The following JAZF1 variants were observed in gnomAD, a reference collection of about 807,000 sequenced individuals.
JAZF1 encodes the protein JAZF zinc finger 1, also known as juxtaposed with another zinc finger protein 1.
In JAZF1, 8 loss-of-function variants were observed where a neutral mutation model predicts 26.4. The ratio of observed to expected loss-of-function variants is 0.30; its 90% CI spans 0.18 to 0.55. The LOEUF is 0.55. Ranked by LOEUF, JAZF1 falls within the 20% of genes least tolerant of loss-of-function variation. The pLI is 0.94. For synonymous variants in JAZF1, 126 were observed against 122.3 expected, an observed-to-expected ratio of 1.03 and a Z score of -0.20; for missense variants, 199 against 322.0, an observed-to-expected ratio of 0.62 and a Z score of 2.92.
chr7:27,962,660 T>C (rs1785204853), intron 2 of JAZF1, among the ~76,000 whole-genome samples: 1 of 152,160 alleles, frequency 6.6e-6, no homozygotes, highest in Non-Finnish European at 1.5e-5. Flanking sequence ...CATAAATTAA[T>C]TACCTTTAAT....
chr7:27,893,367 T>G (rs923864514), intron 3 of JAZF1, among the ~76,000 whole-genome samples: 11 of 152,330 alleles, frequency 7.2e-5, no homozygotes, highest in Non-Finnish European at 1.6e-4. Context: ...ATGGTGTGGT[T>G]ACAAGTGGGT....
chr7:28,117,993 C>T lies in JAZF1; in HGVS notation c.115+62470G>A, dbSNP rs562370633. 1.7e-4 allele frequency: 26 copies of T among 151,754 alleles called. No individual in the cohort carries two copies. In the South Asian group the frequency reaches 4.2e-3, roughly 24 times the overall value. The allele number at this position is 151,754 out of a possible 1,614,324, so 9.4% of individuals were successfully genotyped here. On this transcript the variant is annotated intron_variant, in intron 1 of 4. Transcript: ENST00000283928. ...TATTTTATATGAACACCAGTACGTG[C>T]GGTATTAAAAAAAAATTACAACAAA... is the stretch of plus-strand genomic sequence containing the variant.
chr7:27,848,872 A>C (rs551064775), intron 3 of JAZF1, among the ~76,000 whole-genome samples: 2 of 152,206 alleles, frequency 1.3e-5, no homozygotes, highest in Non-Finnish European at 2.9e-5. Flanking sequence ...GCTGCCTAAG[A>C]ATGGGCAAAT....
At chr7:27,900,460 C>T (rs1182730818) in intron 2 of JAZF1, among the ~76,000 whole-genome samples, 3 of 152,182 alleles carry the variant, frequency 2.0e-5, no homozygotes, top group Admixed American at 2.0e-4. Context: ...AAGTAACCTA[C>T]TCTGTGTTCA....
chr7:27,979,908 A>G (rs1254160808), intron 2 of JAZF1, among the ~76,000 whole-genome samples: 1 of 152,176 alleles, frequency 6.6e-6, no homozygotes, highest in Non-Finnish European at 1.5e-5. Flanking sequence ...GCCATCTATC[A>G]TATAGGAATT....
chr7:28,099,552 C>T (rs897673452), intron 1 of JAZF1, among the ~76,000 whole-genome samples: 1 of 152,144 alleles, frequency 6.6e-6, no homozygotes, highest in South Asian at 2.1e-4. Context: ...TCTCGACTCA[C>T]CGCAACCTCC....
intron 3 of JAZF1, among the ~76,000 whole-genome samples, chr7:27,879,512 G>T (rs1192251279): frequency 6.6e-6 from 1 of 152,102 alleles, no homozygotes; most frequent in Non-Finnish European, 1.5e-5. Flanking sequence ...TCTTCTCTAA[G>T]ATACTTAATG....
intron 1 of JAZF1, among the ~76,000 whole-genome samples, chr7:27,994,860 G>A (rs1240123116): frequency 6.6e-6 from 1 of 152,138 alleles, no homozygotes; most frequent in East Asian, 1.9e-4. Context: ...AAGTGTAATA[G>A]CTGCCTTCAG....
intron 1 of JAZF1, among the ~76,000 whole-genome samples, chr7:28,013,484 C>T (rs1299630765): frequency 6.6e-6 from 1 of 152,106 alleles, no homozygotes; most frequent in Non-Finnish European, 1.5e-5. Flanking sequence ...GTAGGGCAGG[C>T]ATCCCCAGTG....
At chr7:27,871,308 G>A (rs1382099787) in intron 3 of JAZF1, among the ~76,000 whole-genome samples, 1 of 152,204 alleles carries the variant, frequency 6.6e-6, no homozygotes, top group Non-Finnish European at 1.5e-5. Flanking sequence ...TGTGACATCT[G>A]TAAGGAGATG....
chr7:28,114,697 C>A (rs956902974), intron 1 of JAZF1, among the ~76,000 whole-genome samples: 1 of 150,492 alleles, frequency 6.6e-6, no homozygotes, highest in Non-Finnish European at 1.5e-5. Flanking sequence ...TTGAGGTGCT[C>A]CCAGTCTGGT....
intron 1 of JAZF1, among the ~76,000 whole-genome samples, chr7:28,114,467 T>C (rs1184060606): frequency 6.6e-6 from 1 of 151,794 alleles, no homozygotes; most frequent in East Asian, 1.9e-4. Flanking sequence ...AAGAGGCCTA[T>C]TCTTAATCAA....
chr7:28,159,996 T>A (rs1042153290), intron 1 of JAZF1, among the ~76,000 whole-genome samples: 1 of 152,186 alleles, frequency 6.6e-6, no homozygotes, highest in Non-Finnish European at 1.5e-5. Context: ...TGAGTTTGAT[T>A]TGCTTATAAT....
chr7:27,950,388 G>C (rs1280160633), intron 2 of JAZF1, among the ~76,000 whole-genome samples: 2 of 152,130 alleles, frequency 1.3e-5, no homozygotes, highest in African/African-American at 4.8e-5. Flanking sequence ...GGCACGTTTG[G>C]ATCCATTGCC....
intron 1 of JAZF1, among the ~76,000 whole-genome samples, chr7:28,154,951 A>G (rs978181685): frequency 5.3e-5 from 8 of 152,138 alleles, no homozygotes; most frequent in Admixed American, 2.0e-4. Context: ...AAAAAAAAGA[A>G]AAGTAAAAGC....
intron 1 of JAZF1, among the ~76,000 whole-genome samples, chr7:28,093,335 C>A (rs948289693): frequency 6.6e-6 from 1 of 152,146 alleles, no homozygotes; most frequent in Non-Finnish European, 1.5e-5. Context: ...TCGACGCATT[C>A]TCTCTTGTCT....
At chr7:28,038,788 T>C (rs1206270911) in intron 1 of JAZF1, among the ~76,000 whole-genome samples, 3 of 152,196 alleles carry the variant, frequency 2.0e-5, no homozygotes, top group Admixed American at 6.5e-5. Flanking sequence ...ACAAAAAAGA[T>C]ACAAATTTAT....
chr7:28,086,601 G>A lies in JAZF1; in HGVS notation c.115+93862C>T, dbSNP rs79563643. 5.1e-3 allele frequency among the ~76,000 whole-genome samples: 771 copies of A among 152,264 alleles called. 10 individuals are homozygous for A. The highest frequency in any genetic ancestry group is 0.018 in the African/African-American group (730 of 41,544). Reference sequence around the variant, plus strand: ...GCAGCACCTTCATTTAAGACTTTCTGGGGCAGCCCTGAGTAGTAAAATTGA... The same window carrying A: ...GCAGCACCTTCATTTAAGACTTTCTAGGGCAGCCCTGAGTAGTAAAATTGA... On this transcript the variant is annotated intron_variant, in intron 1 of 4. Transcript: ENST00000283928.
At chr7:27,918,601 T>C (rs1784480778) in intron 2 of JAZF1, among the ~76,000 whole-genome samples, 1 of 152,206 alleles carries the variant, frequency 6.6e-6, no homozygotes, top group Non-Finnish European at 1.5e-5. Flanking sequence ...ATGTGTTATT[T>C]GCACACAGTC....
Sources: allele counts gnomAD v4.1 joint callset (sites outside exome capture counted in the v4.1 genomes callset), GRCh38; gene constraint gnomAD v4.1.1; transcripts MANE v1.5; gene names NCBI Gene and HGNC (gene_info 2026-07-23, HGNC 2026-07-21).